The following CACNA2D3 variants were observed in gnomAD, a reference collection of about 807,000 sequenced individuals.
CACNA2D3 encodes the protein voltage-dependent calcium channel subunit alpha-2/delta-3.
CACNA2D3 carries 60 observed loss-of-function variants against 160.6 expected under a neutral mutation model. The ratio of observed to expected loss-of-function variants is 0.37; its 90% CI spans 0.30 to 0.46. CACNA2D3 has a LOEUF of 0.46. Ranked by LOEUF, CACNA2D3 falls within the 20% of genes least tolerant of loss-of-function variation. The pLI is 1.00. For missense variants in CACNA2D3, 1,205 were observed against 1,365.0 expected (o/e 0.88, Z 1.85); for synonymous variants, 558 against 492.9 (o/e 1.13, Z -1.75).
chr3:54,435,148 T>C (rs1326476862), intron 4 of CACNA2D3, among the ~76,000 whole-genome samples: 1 of 152,064 alleles, frequency 6.6e-6, no homozygotes, highest in African/African-American at 2.4e-5. Flanking sequence ...GGGTTTCCAC[T>C]CTACCTAGCA....
intron 35 of CACNA2D3, among the ~76,000 whole-genome samples, chr3:55,027,398 C>A (rs938262539): frequency 6.6e-6 from 1 of 152,080 alleles, no homozygotes; most frequent in Non-Finnish European, 1.5e-5. Context: ...GCTTTGTATT[C>A]TCAGAATGCA....
intron 13 of CACNA2D3, among the ~76,000 whole-genome samples, chr3:54,807,747 C>T (rs1703171016): frequency 6.6e-6 from 1 of 152,026 alleles, no homozygotes; most frequent in African/African-American, 2.4e-5. Context: ...TATAAAGACA[C>T]ATGCACACAT....
intron 4 of CACNA2D3, among the ~76,000 whole-genome samples, chr3:54,393,698 G>T (rs564104728): frequency 2.0e-5 from 3 of 152,224 alleles, no homozygotes; most frequent in Non-Finnish European, 4.4e-5. Flanking sequence ...ACATCAACTC[G>T]TGGGGAAATG....
Position 54,816,862 on chromosome 3 carries a change from G to C in CACNA2D3, c.1390G>C (p.Ala464Pro). 6.2e-7 allele frequency: 1 copy of C among 1,613,372 alleles called. No individual in the cohort carries two copies. The highest frequency in any genetic ancestry group is 8.5e-7 in the Non-Finnish European group (1 of 1,179,764). Residue 464 changes from alanine (A) to proline (P), a missense_variant, in exon 14 of 38, where the codon GCA (alanine) becomes CCA (proline). Ala to Pro is a conservative substitution (Grantham distance 27). This residue lies in a region of CACNA2D3 where 911 missense variants were observed against 1,002.2 expected (regional missense o/e 0.91). Transcript: ENST00000474759. ...EAYIDSTLPQAQKLTDDQGPV... is the reference protein window; with the variant it reads ...EAYIDSTLPQPQKLTDDQGPV... Reference sequence around the variant, plus strand: ...TGTTTTCCCCCTTCAGCTCCCTCAGGCACAAAAGGTAAATTCTCTTCTGTC... The same window carrying C: ...TGTTTTCCCCCTTCAGCTCCCTCAGCCACAAAAGGTAAATTCTCTTCTGTC...
Position 54,369,944 on chromosome 3 carries a change from GT to G in CACNA2D3, c.322-16768del, listed in dbSNP as rs1372386081. On this transcript the variant is annotated intron_variant, in intron 3 of 37. Transcript: ENST00000474759. ...GTAGCTCCCTTCAGTGTGTGGCCGT[GT>G]TTCTTCCATATAGTAGATGCTTAAT... is the stretch of plus-strand genomic sequence containing the variant. Among the ~76,000 whole-genome samples the G allele has an allele frequency of 2.0e-5, 3 of 152,156 alleles. No homozygotes were observed. In the East Asian group the frequency reaches 5.8e-4, roughly 29 times the overall value.
chr3:54,663,939 C>A (rs1265648754), intron 11 of CACNA2D3, among the ~76,000 whole-genome samples: 6 of 152,230 alleles, frequency 3.9e-5, no homozygotes, highest in Non-Finnish European at 7.3e-5. Context: ...CTCCAGCATT[C>A]CTTTCTGCGC....
At chr3:54,473,764 C>T (rs1408829111) in intron 4 of CACNA2D3, among the ~76,000 whole-genome samples, 3 of 152,094 alleles carry the variant, frequency 2.0e-5, no homozygotes, top group Non-Finnish European at 4.4e-5. Flanking sequence ...ATTTATGCGG[C>T]CAACAAACAT....
At chr3:55,073,408 TG>T (rs1292651821) in intron 35 of CACNA2D3, 36 bp from the exon 36 acceptor site, 2 of 1,483,360 alleles carry the variant, frequency 1.3e-6, no homozygotes, top group African/African-American at 2.8e-5. Flanking sequence ...AATTGACGGA[TG>T]GTAAATGACT....
In CACNA2D3 at chr3:54,288,101, A is replaced by C. The variant is rs565938655; in HGVS notation, c.205-32341A>C. Among the ~76,000 whole-genome samples, 28 of 152,192 alleles carry C rather than the reference A, an allele frequency of 1.8e-4. No homozygotes were observed. In the South Asian group the frequency reaches 5.8e-3, roughly 32 times the overall value. On this transcript the variant is annotated intron_variant, in intron 2 of 37. Coordinates refer to ENST00000474759, the MANE Select transcript of CACNA2D3 (RefSeq NM_018398.3). ...GCAGAACTGAAGGAAATAGAGACCC[A>C]AAAAACCCTTCAAAAAATTAATGAA...
chr3:54,718,937 G>A (rs1037175731), intron 11 of CACNA2D3, among the ~76,000 whole-genome samples: 2 of 151,764 alleles, frequency 1.3e-5, no homozygotes, highest in African/African-American at 2.4e-5. Flanking sequence ...ATAATATAGA[G>A]TTTTTTAATT....
chr3:54,353,627 C>CAGAG (rs900392592), intron 3 of CACNA2D3, among the ~76,000 whole-genome samples: 10 of 152,104 alleles, frequency 6.6e-5, no homozygotes, highest in African/African-American at 1.4e-4. Flanking sequence ...TGCAGTAGCG[C>CAGAG]AGAGTAGTGT....
chr3:54,350,986 G>GTTTTTGTTTTTTT (rs1698548897), intron 3 of CACNA2D3, among the ~76,000 whole-genome samples: 1 of 65,922 alleles, frequency 1.5e-5, no homozygotes, highest in Admixed American at 2.0e-4. Context: ...TTTTTTGTTT[G>GTTTTTGTTTTTTT]TTTTTTTTTT....
At chr3:54,415,888 T>C (rs1195149330) in intron 4 of CACNA2D3, among the ~76,000 whole-genome samples, 2 of 152,194 alleles carry the variant, frequency 1.3e-5, no homozygotes, top group East Asian at 1.9e-4. Context: ...CATTTTTCAC[T>C]GGACAAAATC....
chr3:54,405,545 A>C (rs1224832814), intron 4 of CACNA2D3, among the ~76,000 whole-genome samples: 2 of 151,974 alleles, frequency 1.3e-5, no homozygotes, highest in African/African-American at 2.4e-5. Flanking sequence ...TTGGACCCTT[A>C]TCTTATATAC....
chr3:54,903,826 T>A (rs894835720), intron 27 of CACNA2D3, among the ~76,000 whole-genome samples: 6 of 152,222 alleles, frequency 3.9e-5, no homozygotes, highest in Non-Finnish European at 1.5e-5. Flanking sequence ...GAGCTTTTTT[T>A]CATATGCTTG....
intron 4 of CACNA2D3, among the ~76,000 whole-genome samples, chr3:54,495,075 TCC>T (rs1293365803): frequency 1.3e-5 from 2 of 152,196 alleles, no homozygotes; most frequent in Non-Finnish European, 2.9e-5. Flanking sequence ...CTGACATGTG[TCC>T]TAGAAAGCAG....
intron 13 of CACNA2D3, among the ~76,000 whole-genome samples, chr3:54,797,479 A>T (rs1255063364): frequency 6.6e-6 from 1 of 152,172 alleles, no homozygotes; most frequent in Non-Finnish European, 1.5e-5. Flanking sequence ...GAGGCTTACG[A>T]TTCAGCCATA....
intron 35 of CACNA2D3, among the ~76,000 whole-genome samples, chr3:55,021,711 G>A (rs1575439339): frequency 7.2e-6 from 1 of 138,120 alleles, no homozygotes; most frequent in Admixed American, 7.0e-5. Flanking sequence ...ATATATATGT[G>A]TGTGTATATA....
chr3:54,541,384 G>A (rs2106663931), intron 5 of CACNA2D3, among the ~76,000 whole-genome samples: 1 of 152,106 alleles, frequency 6.6e-6, no homozygotes, highest in South Asian at 2.1e-4. Context: ...GGCAGAAATG[G>A]GAGTCATGCA....
Sources: gnomAD v4.1 joint callset for allele counts (sites outside exome capture counted in the v4.1 genomes callset) on GRCh38, gnomAD v4.1.1 for gene constraint, gnomAD v4.1.1 regional missense constraint, MANE v1.5 for transcripts, NCBI Gene and HGNC (gene_info 2026-07-23, HGNC 2026-07-21) for gene names.